TLE1: variants seen among roughly 807,000 people sequenced by gnomAD.
TLE1 encodes TLE family member 1, transcriptional corepressor, also known as transducin-like enhancer protein 1.
A neutral mutation model predicts 89.8 loss-of-function variants in TLE1; 21 were observed. The ratio of observed to expected loss-of-function variants is 0.23; its 90% CI spans 0.17 to 0.34. The LOEUF is 0.34. Ranked by LOEUF, TLE1 falls within the 10% of genes least tolerant of loss-of-function variation. The probability of loss-of-function intolerance (pLI) is 1.00; values close to 1 mark genes in which losing one functional copy is unlikely to be tolerated. For synonymous variants in TLE1, 447 were observed against 407.6 expected (o/e 1.10, Z -1.16); for missense variants, 795 against 1,031.2 (o/e 0.77, Z 3.14).
At chr9:81,655,920 ACAG>A (rs1050676072) in intron 4 of TLE1, among the ~76,000 whole-genome samples, 4 of 152,144 alleles carry the variant, frequency 2.6e-5, no homozygotes, top group Non-Finnish European at 5.9e-5. Flanking sequence ...CATATAAAAA[ACAG>A]CAGCCTTGTA....
intron 6 of TLE1, among the ~76,000 whole-genome samples, chr9:81,636,687 C>T (rs368778423): frequency 1.1e-4 from 16 of 152,148 alleles, no homozygotes; most frequent in South Asian, 4.1e-4. Context: ...AAACATACTC[C>T]GGTAATATTT....
intron 4 of TLE1, among the ~76,000 whole-genome samples, chr9:81,675,794 T>TGG (rs1256963057): frequency 7.0e-6 from 1 of 143,138 alleles, no homozygotes; most frequent in South Asian, 2.2e-4. Context: ...TCCAACCCCC[T>TGG]GGTTCAAGTG....
chr9:81,630,338 G>A (rs1342364192), intron 8 of TLE1, among the ~76,000 whole-genome samples: 1 of 152,062 alleles, frequency 6.6e-6, no homozygotes, highest in Non-Finnish European at 1.5e-5. Flanking sequence ...TAAACTACAA[G>A]GCATTCAAGA....
intron 4 of TLE1, among the ~76,000 whole-genome samples, chr9:81,673,475 G>C (rs1832507660): frequency 6.6e-6 from 1 of 152,080 alleles, no homozygotes; most frequent in Non-Finnish European, 1.5e-5. Flanking sequence ...AAGTCCAAGA[G>C]CAGGGGTAGA....
chr9:81,614,433 G>A (rs747561388), intron 11 of TLE1, among the ~76,000 whole-genome samples: 24 of 152,088 alleles, frequency 1.6e-4, no homozygotes, highest in Admixed American at 1.0e-3. Flanking sequence ...GGGGCCTTTC[G>A]GAGACCAGAC....
intron 8 of TLE1, among the ~76,000 whole-genome samples, chr9:81,623,897 C>T (rs10867783): frequency 0.53 from 80,661 of 152,020 alleles, 22,578 homozygotes; most frequent in East Asian, 0.91. Context: ...AAAGCAACCA[C>T]TGAGACATTT....
intron 11 of TLE1, among the ~76,000 whole-genome samples, chr9:81,614,986 G>A (rs1322352695): frequency 6.8e-6 from 1 of 148,036 alleles, no homozygotes; most frequent in Non-Finnish European, 1.5e-5. Context: ...CCTGAGGTCA[G>A]GAGTTCAAGA....
chr9:81,667,959 T>C (rs1444003784), intron 4 of TLE1, among the ~76,000 whole-genome samples: 1 of 151,004 alleles, frequency 6.6e-6, no homozygotes, highest in Non-Finnish European at 1.5e-5. Context: ...AGGCCAAGAG[T>C]TCGAGATCAG....
In TLE1 at chr9:81,590,916, G is replaced by A. The variant is rs148605258; in HGVS notation, c.1718C>T (p.Ser573Leu). The change falls in exon 16 of 20, where the codon TCG becomes TTG. Residue 573 changes from serine (S) to leucine (L), a missense_variant. Ser to Leu is a moderately radical substitution (Grantham distance 145). Coordinates refer to ENST00000376499, the MANE Select transcript of TLE1 (RefSeq NM_005077.5). ...TPRIKAELTS[S>L]APACYALAIS... ...GGCCAGGGCGTAGCAGGCGGGGGCC[G>A]AGGACGTCAGCTCCGCCTTGATGCG... 25 of 1,614,124 alleles carry A rather than the reference G, an allele frequency of 1.5e-5. No homozygotes were observed. The highest frequency in any genetic ancestry group is 6.7e-5 in the African/African-American group (5 of 74,944).
chr9:81,684,343 T>C (rs1431770140), intron 4 of TLE1, among the ~76,000 whole-genome samples: 3 of 152,014 alleles, frequency 2.0e-5, no homozygotes, highest in African/African-American at 7.2e-5. Flanking sequence ...CTACCAACTT[T>C]GTAAATCATA....
chr9:81,675,661 G>A (rs1241736456), intron 4 of TLE1, among the ~76,000 whole-genome samples: 1 of 147,654 alleles, frequency 6.8e-6, no homozygotes, highest in Non-Finnish European at 1.5e-5. Context: ...GAACTGAAAA[G>A]ATTTCATTTT....
chr9:81,653,957 T>G lies in TLE1; in HGVS notation c.297+17A>C, dbSNP rs745632436. 1 of 1,612,876 alleles carries G rather than the reference T, an allele frequency of 6.2e-7. No homozygotes were observed. Among genetic ancestry groups the G allele is most frequent in the Non-Finnish European group, 8.5e-7 (1 of 1,179,122 alleles). On this transcript the variant is annotated intron_variant, in intron 5 of 19. Coordinates refer to ENST00000376499, the MANE Select transcript of TLE1 (RefSeq NM_005077.5). ...AGCAACATAATTGCACTTTAACAGC[T>G]GAACAATTTTACTTACTTCCTGAGA...
At chr9:81,644,717 G>C (rs528897256) in intron 6 of TLE1, among the ~76,000 whole-genome samples, 1 of 152,298 alleles carries the variant, frequency 6.6e-6, no homozygotes, top group Non-Finnish European at 1.5e-5. Flanking sequence ...AATTTGGCCA[G>C]GTGCAGTGAC....
At chr9:81,586,981 G>A (rs184206451) in intron 17 of TLE1, among the ~76,000 whole-genome samples, 1 of 152,180 alleles carries the variant, frequency 6.6e-6, no homozygotes. Flanking sequence ...TAAATGCCAA[G>A]TCATGATCGA....
intron 14 of TLE1, among the ~76,000 whole-genome samples, chr9:81,600,684 C>T (rs1303175821): frequency 6.7e-6 from 1 of 149,458 alleles, no homozygotes; most frequent in Non-Finnish European, 1.5e-5. Context: ...TTTTATATGT[C>T]AACTTGATTA....
chr9:81,649,034 T>C (rs1376091957), intron 6 of TLE1, among the ~76,000 whole-genome samples: 3 of 152,156 alleles, frequency 2.0e-5, no homozygotes, highest in South Asian at 2.1e-4. Flanking sequence ...AGGAAAAGAA[T>C]TGGTAAGAAG....
intron 16 of TLE1, among the ~76,000 whole-genome samples, chr9:81,589,069 G>A (rs1446946251): frequency 1.3e-5 from 2 of 152,146 alleles, no homozygotes; most frequent in Non-Finnish European, 2.9e-5. Context: ...CTGCGGCCGT[G>A]CAGCTGGACC....
intron 14 of TLE1, among the ~76,000 whole-genome samples, chr9:81,599,432 C>T (rs577576969): frequency 1.4e-3 from 218 of 152,188 alleles, no homozygotes; most frequent in African/African-American, 4.6e-3. Context: ...TAAGGCATGT[C>T]GACATCGTGA....
At chr9:81,655,304 A>C (rs1219783920) in intron 4 of TLE1, among the ~76,000 whole-genome samples, 2 of 152,088 alleles carry the variant, frequency 1.3e-5, no homozygotes, top group Non-Finnish European at 2.9e-5. Context: ...TGCAGGCTGC[A>C]GTGAGCCGAG....
Sources: allele counts gnomAD v4.1 joint callset (sites outside exome capture counted in the v4.1 genomes callset), GRCh38; gene constraint gnomAD v4.1.1; transcripts MANE v1.5; gene names NCBI Gene and HGNC (gene_info 2026-07-23, HGNC 2026-07-21).